Variants in DPP10 observed in about 807,000 individuals in gnomAD.
DPP10 encodes inactive dipeptidyl peptidase 10.
Under a neutral mutation model 120.9 loss-of-function variants are expected in DPP10, and 33 were observed. The observed-to-expected ratio is 0.27, with a 90% confidence interval of 0.21 to 0.37. The LOEUF is 0.37. Ranked by LOEUF, DPP10 falls within the 10% of genes least tolerant of loss-of-function variation. The pLI is 1.00. For missense variants in DPP10, 816 were observed against 942.8 expected, an observed-to-expected ratio of 0.87 and a Z score of 1.76; for synonymous variants, 337 against 326.1, an observed-to-expected ratio of 1.03 and a Z score of -0.36.
intron 1 of DPP10, among the ~76,000 whole-genome samples, chr2:115,271,488 T>C (rs1283645922): frequency 6.6e-6 from 1 of 152,206 alleles, no homozygotes; most frequent in Non-Finnish European, 1.5e-5. Context: ...TTGAACACTC[T>C]TTTGTTCATG....
chr2:114,596,943 G>C (rs1573752872), intron 1 of DPP10, among the ~76,000 whole-genome samples: 1 of 152,114 alleles, frequency 6.6e-6, no homozygotes, highest in Non-Finnish European at 1.5e-5. Context: ...CCTAGTTACT[G>C]GGGTCACAGA....
chr2:115,759,083 AG>A (rs1486833664), intron 11 of DPP10, among the ~76,000 whole-genome samples: 3 of 152,162 alleles, frequency 2.0e-5, no homozygotes, highest in Non-Finnish European at 2.9e-5. Flanking sequence ...TTCTCATCAA[AG>A]ACACCATTAG....
At chr2:115,570,023 T>C (rs974936550) in intron 5 of DPP10, among the ~76,000 whole-genome samples, 2 of 152,220 alleles carry the variant, frequency 1.3e-5, no homozygotes, top group African/African-American at 4.8e-5. Context: ...TACCTTACGG[T>C]TATCTGTGTG....
intron 21 of DPP10, among the ~76,000 whole-genome samples, chr2:115,821,250 T>C (rs1687790398): frequency 6.6e-6 from 1 of 152,180 alleles, no homozygotes; most frequent in South Asian, 2.1e-4. Context: ...TATTAATTTT[T>C]CTAAGTACAT....
chr2:114,937,635 T>C lies in DPP10; in HGVS notation c.61-371604T>C, dbSNP rs1696581346. Among the ~76,000 whole-genome samples the C allele has an allele frequency of 2.0e-5, 3 of 152,198 alleles. No homozygotes were observed. The South Asian group carries it at 6.2e-4, about 32-fold the overall frequency. ...GTCTTGTGCCGGTCTTTAGCTTTAA[T>C]TGGAGTTTACCACCAATTAACTGCA... On this transcript the variant is annotated intron_variant, in intron 1 of 25. Coordinates refer to ENST00000410059, the MANE Select transcript of DPP10 (RefSeq NM_020868.6).
At chr2:115,289,612 T>C (rs528892159) in intron 1 of DPP10, among the ~76,000 whole-genome samples, 1 of 152,032 alleles carries the variant, frequency 6.6e-6, no homozygotes, top group Non-Finnish European at 1.5e-5. Context: ...TACCAGACTA[T>C]AGTAACCAAA....
At chr2:115,297,109 G>A (rs1357700427) in intron 1 of DPP10, among the ~76,000 whole-genome samples, 2 of 152,010 alleles carry the variant, frequency 1.3e-5, no homozygotes, top group East Asian at 1.9e-4. Flanking sequence ...CGTAAATACT[G>A]TATGCAAGTA....
At chr2:114,821,149 T>C (rs754130681) in intron 1 of DPP10, among the ~76,000 whole-genome samples, 4 of 152,168 alleles carry the variant, frequency 2.6e-5, no homozygotes, top group Admixed American at 2.0e-4. Flanking sequence ...CTGATTTGCA[T>C]AGGGCTCACG....
intron 7 of DPP10, among the ~76,000 whole-genome samples, chr2:115,723,668 G>A (rs1164806435): frequency 6.8e-6 from 1 of 147,478 alleles, no homozygotes; most frequent in African/African-American, 2.5e-5. Flanking sequence ...TAGGATTGCT[G>A]GTGAGATGGA....
chr2:115,331,771 G>A (rs540723190), intron 2 of DPP10, among the ~76,000 whole-genome samples: 139 of 152,298 alleles, frequency 9.1e-4, no homozygotes, highest in African/African-American at 3.2e-3. Context: ...TAGGGATGAA[G>A]CCCACTTGAT....
At chr2:115,270,807 C>T (rs772002377) in intron 1 of DPP10, among the ~76,000 whole-genome samples, 4 of 152,092 alleles carry the variant, frequency 2.6e-5, no homozygotes, top group African/African-American at 7.2e-5. Flanking sequence ...AAAACATTCT[C>T]GAGGTAGTGT....
At chr2:115,248,379 C>G (rs1191509049) in intron 1 of DPP10, among the ~76,000 whole-genome samples, 1 of 152,016 alleles carries the variant, frequency 6.6e-6, no homozygotes, top group Non-Finnish European at 1.5e-5. Flanking sequence ...ACTCTGGCCT[C>G]TTTTTCTTTA....
intron 2 of DPP10, among the ~76,000 whole-genome samples, chr2:115,338,864 A>G (rs1170935926): frequency 6.6e-6 from 1 of 152,208 alleles, no homozygotes; most frequent in Non-Finnish European, 1.5e-5. Context: ...AAAAAGCCAT[A>G]GGAGAAAGTT....
intron 1 of DPP10, among the ~76,000 whole-genome samples, chr2:114,466,471 G>T (rs1679388819): frequency 6.6e-6 from 1 of 152,174 alleles, no homozygotes; most frequent in Admixed American, 6.5e-5. Context: ...GCACCAGACT[G>T]CTTGCTTTGA....
chr2:115,759,912 A>C (rs145561616), intron 11 of DPP10, among the ~76,000 whole-genome samples: 1 of 152,202 alleles, frequency 6.6e-6, no homozygotes, highest in African/African-American at 2.4e-5. Flanking sequence ...CCAGAGGCTG[A>C]GGCAGAGAAT....
At chr2:115,267,184 T>G (rs1245160550) in intron 1 of DPP10, among the ~76,000 whole-genome samples, 1 of 152,210 alleles carries the variant, frequency 6.6e-6, no homozygotes, top group African/African-American at 2.4e-5. Flanking sequence ...GATTATCATT[T>G]TAGAAGCAAA....
chr2:114,992,943 T>G (rs1700834732), intron 1 of DPP10, among the ~76,000 whole-genome samples: 1 of 152,228 alleles, frequency 6.6e-6, no homozygotes, highest in Non-Finnish European at 1.5e-5. Context: ...AAGGGGCATG[T>G]GACTCCTTTC....
At chr2:115,101,069 A>G (rs1426900801) in intron 1 of DPP10, among the ~76,000 whole-genome samples, 2 of 152,152 alleles carry the variant, frequency 1.3e-5, no homozygotes, top group Non-Finnish European at 2.9e-5. Context: ...TGCTCGGCCC[A>G]CCAGTCATAT....
intron 1 of DPP10, among the ~76,000 whole-genome samples, chr2:114,847,008 A>G (rs1022671606): frequency 6.6e-6 from 1 of 152,110 alleles, no homozygotes; most frequent in Admixed American, 6.6e-5. Context: ...TATGGTTTCT[A>G]GTTAGTTTCA....
Sources: allele counts gnomAD v4.1 joint callset (sites outside exome capture counted in the v4.1 genomes callset), GRCh38; gene constraint gnomAD v4.1.1; transcripts MANE v1.5; gene names NCBI Gene and HGNC (gene_info 2026-07-23, HGNC 2026-07-21).